The following F12 variants were observed in gnomAD, a reference collection of about 807,000 sequenced individuals.
The protein encoded by F12 is Hageman factor.
A neutral mutation model predicts 74.8 loss-of-function variants in F12; 70 were observed. That is an observed-to-expected ratio of 0.94 (90% CI 0.77 to 1.14). F12 has a LOEUF of 1.14. Ranked by LOEUF, F12 falls within the 50% of genes most tolerant of loss-of-function variation. The probability of loss-of-function intolerance (pLI) is 0.00; values close to 1 mark genes in which losing one functional copy is unlikely to be tolerated. For synonymous variants in F12, 373 were observed against 356.4 expected (o/e 1.05, Z -0.52); for missense variants, 811 against 835.7 (o/e 0.97, Z 0.36).
intron 2 of F12, among the ~76,000 whole-genome samples, chr5:177,406,355 G>T (rs17876046): frequency 0.013 from 2,028 of 152,310 alleles, 24 homozygotes; most frequent in Middle Eastern, 0.02. Context: ...TGGGGGTGGT[G>T]GCAGGTGCCT....
chr5:177,404,642 A>T lies in F12; in HGVS notation c.657T>A (p.Asp219Glu). 1 of 1,606,674 alleles carries T rather than the reference A, an allele frequency of 6.2e-7. No homozygotes were observed. Residue 219 changes from aspartate (D) to glutamate (E), a missense_variant, in exon 8 of 14, where the codon GAT becomes GAA. Physicochemically the swap from Asp to Glu is conservative, Grantham distance 45. Coordinates refer to ENST00000253496, the MANE Select transcript of F12 (RefSeq NM_000505.4). ...CDVDTKASCY[D>E]GRGLSYRGLA... ...GGCCGCGGTAGCTGAGCCCGCGGCC[A>T]TCATAGCAGCTTGCCTTGGTGTCTG...
In F12 at chr5:177,402,739, C is replaced by T. The variant is rs376532780; in HGVS notation, c.1532-41G>A. On this transcript the variant is annotated intron_variant, in intron 12 of 13. Coordinates refer to ENST00000253496, the MANE Select transcript of F12 (RefSeq NM_000505.4). ...GCCTTCTTCACACCCCATCTGACAA[C>T]GCTTGCCGCCCGGACGATGGACAAA... 385 of 1,606,834 alleles carry T rather than the reference C, an allele frequency of 2.4e-4. 1 individual carries two copies. Among genetic ancestry groups the T allele is most frequent in the Non-Finnish European group, 2.9e-4 (338 of 1,178,126 alleles).
At position 177,404,738 on chromosome 5, in the gene F12, C is replaced by G. The variant is rs1763242394; in HGVS notation, c.634+72G>C. 8.8e-6 allele frequency: 14 copies of G among 1,595,064 alleles called. No individual in the cohort carries two copies. The South Asian group carries it at 9.0e-5, about 10-fold the overall frequency. On this transcript the variant is annotated intron_variant, in intron 7 of 13. Coordinates refer to ENST00000253496, the MANE Select transcript of F12 (RefSeq NM_000505.4). ...CTCCCTCTCATCTGCTTTCCGCACT[C>G]TCCCTCCTCCTTCCTGGCAAGCCCG...
Position 177,404,498 on chromosome 5 carries a change from C to G in F12, c.800+1G>C, listed in dbSNP as rs202071046. Reference sequence around the variant, plus strand: ...GGGTCACCCAGCCCCACGCGGCGCACCGGCAGAAGGCGTGGCCGCCCAGTC... The same window carrying G: ...GGGTCACCCAGCCCCACGCGGCGCAGCGGCAGAAGGCGTGGCCGCCCAGTC... On this transcript the variant is annotated splice_donor_variant, in intron 8 of 13. Transcript: ENST00000253496. LOFTEE classifies it high-confidence loss of function. 8.2e-6 allele frequency: 13 copies of G among 1,591,574 alleles called. No homozygotes were observed. The highest frequency in any genetic ancestry group is 4.0e-5 in the African/African-American group (3 of 74,548).
At position 177,403,532 on chromosome 5, in the gene F12, A is replaced by G; in HGVS notation, c.1336T>C (p.Ser446Pro). The G allele has an allele frequency of 6.3e-7, 1 of 1,591,370 alleles. No individual in the cohort carries two copies. The highest frequency in any genetic ancestry group is 8.5e-7 in the Non-Finnish European group (1 of 1,172,260). Reference protein sequence around the residue: ...CEPCQTLAVRSYRLHEAFSPV... With the variant: ...CEPCQTLAVRPYRLHEAFSPV... Reference sequence around the variant, plus strand: ...GAGAAGGCCTCGTGCAAGCGGTAGGAGCGCACGGCCAACGTCTGGCACGGC... The same window carrying G: ...GAGAAGGCCTCGTGCAAGCGGTAGGGGCGCACGGCCAACGTCTGGCACGGC... Residue 446 changes from serine (S) to proline (P), a missense_variant, in exon 11 of 14, where the codon TCC becomes CCC. By Grantham distance (74) the Ser-to-Pro change is moderately conservative. Transcript: ENST00000253496.
intron 2 of F12, among the ~76,000 whole-genome samples, chr5:177,407,523 G>A (rs1314855219): frequency 4.6e-5 from 7 of 152,280 alleles, no homozygotes; most frequent in African/African-American, 4.8e-5. Flanking sequence ...GGTGGCTCAC[G>A]CCTGTAATCC....
rs1233536521 is a variant in F12, at chr5:177,405,068, C to T, written c.515G>A (p.Arg172Gln). 5 of 1,612,862 alleles carry T rather than the reference C, an allele frequency of 3.1e-6. No homozygotes were observed. The South Asian group carries it at 4.4e-5, about 14-fold the overall frequency. Residue 172 changes from arginine to glutamine, a missense_variant, in exon 6 of 14, where the codon CGG becomes CAG. Arg to Gln is a conservative substitution (Grantham distance 43, BLOSUM62 1). Coordinates refer to ENST00000253496, the MANE Select transcript of F12 (RefSeq NM_000505.4). ...QCKGPDAHCQ[R>Q]LASQACRTNP... Reference sequence around the variant, plus strand: ...CATCTGCTCACCCTGGCTGGCCAGCCGCTGGCAGTGGGCATCAGGACCCTT... The same window carrying T: ...CATCTGCTCACCCTGGCTGGCCAGCTGCTGGCAGTGGGCATCAGGACCCTT...
At chr5:177,404,961 C>G (rs536788457) in intron 6 of F12, 47 bp from the exon 7 acceptor site, 41 of 1,585,628 alleles carry the variant, frequency 2.6e-5, no homozygotes, top group Non-Finnish European at 3.4e-5. Flanking sequence ...AAAGACCCCC[C>G]CAGAGAGCTC....
chr5:177,402,557 GC>G lies in F12; in HGVS notation c.1672del (p.Ala558ArgfsTer106), dbSNP rs1305822497. ...CAGFLEGGTD[A>X]CQGDSGGPLV... ...ACCGGGCTAAGAGCTCACCTGGCAC[GC>G]ATCGGTGCCGCCCTCGAGGAACCCT... On this transcript the variant is annotated frameshift_variant, in exon 13 of 14. Coordinates refer to ENST00000253496, the MANE Select transcript of F12 (RefSeq NM_000505.4). LOFTEE classifies it low-confidence loss of function (END_TRUNC). 6.2e-7 allele frequency: 1 copy of G among 1,611,226 alleles called. No homozygotes were observed. Among genetic ancestry groups the G allele is most frequent in the South Asian group, 1.1e-5 (1 of 90,708 alleles).
rs1379376501 is a variant in F12 at position 177,403,658 on chromosome 5, G to T, written c.1251-41C>A. The stretch of plus-strand genomic sequence containing the variant: ...GGGAGAGGCAGCGCTCTCAGACCTG[G>T]CCACAAGCGTTCTGGGGAAGCCCCC... On this transcript the variant is annotated intron_variant, in intron 10 of 13. Transcript: ENST00000253496. The T allele has an allele frequency of 3.8e-6, 6 of 1,588,368 alleles. No individual in the cohort carries two copies. In the African/African-American group the frequency reaches 5.4e-5, roughly 14 times the overall value.
intron 8 of F12, 34 bp downstream of exon 8, chr5:177,404,465 G>A (rs779258188): frequency 2.5e-6 from 4 of 1,596,014 alleles, no homozygotes; most frequent in South Asian, 1.1e-5. Flanking sequence ...CGGAGCCCTG[G>A]GGCGGAGGGG....
Position 177,403,365 on chromosome 5 carries a change from T to C in F12, c.1420A>G (p.Ser474Gly), listed in dbSNP as rs1461307634. 6.3e-7 allele frequency: 1 copy of C among 1,598,784 alleles called. No individual in the cohort carries two copies. The highest frequency in any genetic ancestry group is 1.7e-5 in the Admixed American group (1 of 59,958). The change falls in exon 12 of 14, where the codon AGC (serine) becomes GGC (glycine). Residue 474 changes from serine to glycine, a missense_variant. Ser to Gly is a moderately conservative substitution (Grantham distance 56). Transcript: ENST00000253496. ...LLRLQEDADG[S>G]CALLSPYVQP... ...ACGTAAGGCGACAGGAGCGCGCAGC[T>C]GCCGTCCGCATCCTCCTGAAGGCGC...
Position 177,402,419 on chromosome 5 carries a change from G to GC in F12, c.1720dup (p.Ala574GlyfsTer19). On this transcript the variant is annotated frameshift_variant, in exon 14 of 14. Transcript: ENST00000253496. LOFTEE classifies it low-confidence loss of function (END_TRUNC). Reference sequence around the variant, plus strand: ...GCCTTGCAGGGTGAGCCGGCGCTCTGCAGCTTGGTCCTCACACACCAGCGG... The same window carrying GC: ...GCCTTGCAGGGTGAGCCGGCGCTCTGCCAGCTTGGTCCTCACACACCAGCGG... The GC allele has an allele frequency of 6.2e-7, 1 of 1,612,372 alleles. No individual in the cohort carries two copies. Among genetic ancestry groups the GC allele is most frequent in the Non-Finnish European group, 8.5e-7 (1 of 1,179,446 alleles).
At position 177,404,738 on chromosome 5, in the gene F12, C is replaced by T; in HGVS notation, c.634+72G>A. On this transcript the variant is annotated intron_variant, in intron 7 of 13. Transcript: ENST00000253496. ...CTCCCTCTCATCTGCTTTCCGCACT[C>T]TCCCTCCTCCTTCCTGGCAAGCCCG... is the stretch of plus-strand genomic sequence containing the variant. 1 of 1,595,064 alleles carries T rather than the reference C, an allele frequency of 6.3e-7. No individual in the cohort carries two copies. Among genetic ancestry groups the T allele is most frequent in the South Asian group, 1.1e-5 (1 of 89,288 alleles).
At chr5:177,409,352 T>TCCACATAGGCCTCCTAGTCACCTGGAC in intron 1 of F12, 119 bp downstream of exon 1, 1 of 1,282,130 alleles carries the variant, frequency 7.8e-7, no homozygotes, top group Non-Finnish European at 1.1e-6. Flanking sequence ...GCCTCACCTT[T>TCCACATAGGCCTCCTAGTCACCTGGAC]CCACATAGGC....
Position 177,402,685 on chromosome 5 carries a change from A to G in F12, c.1545T>C (p.Tyr515=), listed in dbSNP as rs1561639677. ...CCTGCGCCTCCTGCAGGAAGCTGGCATATTCCTCCGCCCCTGCGAACACAG... is the reference window on the plus strand; with the variant it reads ...CCTGCGCCTCCTGCAGGAAGCTGGCGTATTCCTCCGCCCCTGCGAACACAG... ...WGHQFEGAEE[Y]ASFLQEAQVP... Residue 515 remains tyrosine, a synonymous_variant, in exon 13 of 14, where the codon TAT becomes TAC. Transcript: ENST00000253496. 9 of 1,611,714 alleles carry G rather than the reference A, an allele frequency of 5.6e-6. No individual in the cohort carries two copies. Among genetic ancestry groups the G allele is most frequent in the African/African-American group, 1.3e-5 (1 of 74,896 alleles).
chr5:177,403,139 C>T (rs1763181931), intron 12 of F12, 115 bp downstream of exon 12: 1 of 1,398,500 alleles, frequency 7.2e-7, no homozygotes, highest in Non-Finnish European at 9.9e-7. Context: ...CCCATCAGGT[C>T]AGCGCCACCC....
Position 177,405,201 on chromosome 5 carries a change from G to T in F12, c.398-16C>A. ...AAGCACTTCTCTGGGGACAAAGAGGGATAGTGGTCTCAGGAGAGTCTAGGA... is the reference window on the plus strand; with the variant it reads ...AAGCACTTCTCTGGGGACAAAGAGGTATAGTGGTCTCAGGAGAGTCTAGGA... On this transcript the variant is annotated splice_polypyrimidine_tract_variant and intron_variant, in intron 5 of 13. Transcript: ENST00000253496. 6.2e-7 allele frequency: 1 copy of T among 1,613,758 alleles called. No individual in the cohort carries two copies. The highest frequency in any genetic ancestry group is 8.5e-7 in the Non-Finnish European group (1 of 1,180,022).
In F12 at chr5:177,404,475, G is replaced by T. The variant is rs1425584360; in HGVS notation, c.800+24C>A. 11 of 1,593,388 alleles carry T rather than the reference G, an allele frequency of 6.9e-6. No homozygotes were observed. The Admixed American group carries it at 1.8e-4, about 25-fold the overall frequency. On this transcript the variant is annotated intron_variant, in intron 8 of 13. Coordinates refer to ENST00000253496, the MANE Select transcript of F12 (RefSeq NM_000505.4). ...GAGCCCGGAGCCCTGGGGCGGAGGG[G>T]TCACCCAGCCCCACGCGGCGCACCG...
Sources: allele counts gnomAD v4.1 joint callset (sites outside exome capture counted in the v4.1 genomes callset), GRCh38; gene constraint gnomAD v4.1.1; transcripts MANE v1.5; gene names NCBI Gene and HGNC (gene_info 2026-07-23, HGNC 2026-07-21).